SPATA13: variants seen among roughly 807,000 people sequenced by gnomAD.
SPATA13 encodes spermatogenesis-associated protein 13.
In SPATA13, 50 loss-of-function variants were observed where a neutral mutation model predicts 104.0. That is an observed-to-expected ratio of 0.48 (90% CI 0.38 to 0.61). The LOEUF (loss-of-function observed/expected upper bound fraction) is 0.61, where lower values mean the gene tolerates loss of function less well. Among genes scored for constraint, SPATA13 ranks in the 20% least tolerant of loss-of-function variants. SPATA13 has a pLI of 0.00. For synonymous variants in SPATA13, 606 were observed against 667.5 expected (o/e 0.91, Z 1.42); for missense variants, 1,524 against 1,690.6 (o/e 0.90, Z 1.73).
intron 3 of SPATA13, among the ~76,000 whole-genome samples, chr13:24,140,943 G>A (rs1429545695): frequency 1.3e-5 from 2 of 152,204 alleles, no homozygotes; most frequent in African/African-American, 4.8e-5. Flanking sequence ...TGGGATTACA[G>A]GTGGGCAAAT....
chr13:24,239,521 T>C lies in SPATA13; in HGVS notation c.1654-9956T>C, dbSNP rs796821776. On this transcript the variant is annotated intron_variant, in intron 2 of 12. Transcript: ENST00000382108. ...ACCAGCTTGGGCAACATGGCGAAAC[T>C]CTGTCTCTGCTAAAACTAGACAAAT... Among the ~76,000 whole-genome samples, 413 of 150,886 alleles carry C rather than the reference T, an allele frequency of 2.7e-3. 2 individuals carry two copies. The highest frequency in any genetic ancestry group is 9.9e-3 in the African/African-American group (404 of 40,668).
intron 9 of SPATA13, among the ~76,000 whole-genome samples, chr13:24,294,403 A>T (rs911655682): frequency 6.6e-6 from 1 of 152,214 alleles, no homozygotes; most frequent in African/African-American, 2.4e-5. Context: ...CATAATAAAG[A>T]CTGTTCTTTC....
chr13:24,257,973 G>T (rs546623006), intron 4 of SPATA13, among the ~76,000 whole-genome samples: 2 of 152,164 alleles, frequency 1.3e-5, no homozygotes, highest in Non-Finnish European at 2.9e-5. Flanking sequence ...GCTCTGAAAC[G>T]ATAAGAATTC....
Position 24,286,227 on chromosome 13 carries a change from G to T in SPATA13, c.2315G>T (p.Gly772Val), listed in dbSNP as rs770276802. Reference sequence around the variant, plus strand: ...GTCTCCTTTCAGCTGATCAGTGATGGCAACGTGGTCTGCGCAGAAGCCCTG... The same window carrying T: ...GTCTCCTTTCAGCTGATCAGTGATGTCAACGTGGTCTGCGCAGAAGCCCTG... ...QLAINELISD[G>V]NVVCAEALWD... Residue 772 changes from glycine to valine, a missense_variant, in exon 6 of 13, where the codon GGC (glycine) becomes GTC (valine). Physicochemically the swap from Gly to Val is moderately radical, Grantham distance 109. Around this residue, in one of 2 missense-constraint regions of SPATA13, gnomAD observed 1,089 missense variants for 1,135.9 expected, o/e 0.96. Coordinates refer to ENST00000382108, the MANE Select transcript of SPATA13 (RefSeq NM_001166271.3). The surrounding 1 kb of genome is among the most constrained non-coding windows in gnomAD (Gnocchi z 4.9). The T allele has an allele frequency of 3.7e-6, 6 of 1,612,366 alleles. No homozygotes were observed. The highest frequency in any genetic ancestry group is 8.5e-7 in the Non-Finnish European group (1 of 1,179,036).
In SPATA13 at chr13:24,302,864, AC is replaced by A. The variant is rs1398603128; in HGVS notation, c.*94del. On this transcript the variant is annotated 3_prime_UTR_variant, in exon 13 of 13. Coordinates refer to ENST00000382108, the MANE Select transcript of SPATA13 (RefSeq NM_001166271.3). The stretch of plus-strand genomic sequence containing the variant: ...CTTCAATCCAGGGAAAGTTTCTTGG[AC>A]CCAGTGATAAAAACTTCCTTTTAGG... 6.4e-7 allele frequency: 1 copy of A among 1,557,270 alleles called. No homozygotes were observed. The highest frequency in any genetic ancestry group is 1.1e-5 in the South Asian group (1 of 88,974).
rs149332077 is a variant in SPATA13 at position 24,235,290 on chromosome 13, A to G, written c.1653+10708A>G. ...CAGAAATTTGGACTATCAGCAATCA[A>G]CTCGGGAAAATGACTTTTGTCAATG... On this transcript the variant is annotated intron_variant, in intron 2 of 12. Coordinates refer to ENST00000382108, the MANE Select transcript of SPATA13 (RefSeq NM_001166271.3). 4.2e-4 allele frequency among the ~76,000 whole-genome samples: 64 copies of G among 152,274 alleles called. 1 individual carries two copies. The highest frequency in any genetic ancestry group is 1.5e-3 in the African/African-American group (63 of 41,556).
At position 24,002,326 on chromosome 13, in the gene SPATA13, A is replaced by G. The variant is rs1406561218; in HGVS notation, c.-146-15341A>G. Reference sequence around the variant, plus strand: ...CAGTCTCCATGTTGGGCTTGCAGGCAGGAGGTAGATGAAAACGTTCTGTCG... The same window carrying G: ...CAGTCTCCATGTTGGGCTTGCAGGCGGGAGGTAGATGAAAACGTTCTGTCG... On this transcript the variant is annotated intron_variant, in intron 2 of 14. Coordinates refer to the SPATA13 transcript ENST00000424834. Among the ~76,000 whole-genome samples the G allele has an allele frequency of 3.3e-5, 5 of 152,316 alleles. No homozygotes were observed. The East Asian group carries it at 9.6e-4, about 29-fold the overall frequency.
intron 3 of SPATA13, among the ~76,000 whole-genome samples, chr13:24,026,337 A>T (rs1877215392): frequency 6.6e-6 from 1 of 152,174 alleles, no homozygotes; most frequent in Non-Finnish European, 1.5e-5. Flanking sequence ...CATGAAGAGC[A>T]GATGAATTAT....
At chr13:24,007,426 T>C (rs1267064096) in intron 2 of SPATA13, among the ~76,000 whole-genome samples, 2 of 152,176 alleles carry the variant, frequency 1.3e-5, no homozygotes, top group East Asian at 3.8e-4. Flanking sequence ...AGGGACAAGC[T>C]GGGTGATGTT....
At chr13:24,012,682 G>C (rs1241390678) in intron 2 of SPATA13, among the ~76,000 whole-genome samples, 1 of 152,262 alleles carries the variant, frequency 6.6e-6, no homozygotes, top group East Asian at 1.9e-4. Flanking sequence ...TGTGGTGGGC[G>C]GGGTGCAGGC....
At chr13:24,055,891 G>A (rs1444994691) in intron 3 of SPATA13, among the ~76,000 whole-genome samples, 2 of 152,222 alleles carry the variant, frequency 1.3e-5, no homozygotes, top group South Asian at 2.1e-4. Context: ...AAGTGACCAC[G>A]CTACATTAGA....
chr13:23,994,915 G>A (rs1203437339), intron 2 of SPATA13, among the ~76,000 whole-genome samples: 1 of 152,176 alleles, frequency 6.6e-6, no homozygotes, highest in Non-Finnish European at 1.5e-5. Flanking sequence ...GCTGTAAACA[G>A]GTGAATTGGT....
chr13:23,987,977 T>G (rs943737932), intron 2 of SPATA13, among the ~76,000 whole-genome samples: 8 of 150,776 alleles, frequency 5.3e-5, no homozygotes, highest in African/African-American at 2.0e-4. Flanking sequence ...AGAGCCTCAC[T>G]CTGTCACCCA....
At chr13:24,183,585 A>T (rs1165983132) in intron 1 of SPATA13, among the ~76,000 whole-genome samples, 1 of 145,680 alleles carries the variant, frequency 6.9e-6, no homozygotes, top group Non-Finnish European at 1.5e-5. Context: ...CTTTCTCAAA[A>T]CATTATGAGA....
chr13:24,238,345 CA>C (rs1872677670), intron 2 of SPATA13, among the ~76,000 whole-genome samples: 1 of 152,002 alleles, frequency 6.6e-6, no homozygotes, highest in African/African-American at 2.4e-5. Flanking sequence ...TTAGTAGGGA[CA>C]GGGTTTTGCC....
intron 3 of SPATA13, among the ~76,000 whole-genome samples, chr13:24,097,093 G>C (rs573138570): frequency 1.3e-5 from 2 of 152,220 alleles, no homozygotes; most frequent in Non-Finnish European, 1.5e-5. Flanking sequence ...TGGAGTTGAA[G>C]TGAAATGGAG....
At chr13:24,239,491 TTAAGACCA>T (rs909408151) in intron 2 of SPATA13, among the ~76,000 whole-genome samples, 13 of 152,016 alleles carry the variant, frequency 8.6e-5, no homozygotes, top group African/African-American at 2.9e-4. Context: ...ACCCAGGAGT[TTAAGACCA>T]GCTTGGGCAA....
intron 1 of SPATA13, among the ~76,000 whole-genome samples, chr13:24,199,969 G>A (rs1218369593): frequency 1.3e-5 from 2 of 152,166 alleles, no homozygotes; most frequent in African/African-American, 4.8e-5. Flanking sequence ...GACCATCTGG[G>A]TTCCAATCCT....
chr13:24,120,090 G>C (rs1388246260), intron 3 of SPATA13, among the ~76,000 whole-genome samples: 1 of 152,104 alleles, frequency 6.6e-6, no homozygotes, highest in Non-Finnish European at 1.5e-5. Flanking sequence ...GATGGATCAG[G>C]TGCAGGCCTG....
Sources: allele counts gnomAD v4.1 joint callset (sites outside exome capture counted in the v4.1 genomes callset), GRCh38; gene constraint gnomAD v4.1.1; regional missense constraint gnomAD v4.1.1; non-coding constraint Gnocchi (gnomAD v3.1); transcripts MANE v1.5; gene names NCBI Gene and HGNC (gene_info 2026-07-23, HGNC 2026-07-21).